Variants in SCUBE2 observed in about 807,000 individuals in gnomAD.
SCUBE2 encodes the protein signal peptide, CUB domain and EGF like domain containing 2.
A neutral mutation model predicts 125.9 loss-of-function variants in SCUBE2; 114 were observed. That is an observed-to-expected ratio of 0.91 (90% CI 0.78 to 1.06). SCUBE2 has a LOEUF of 1.06. Ranked by LOEUF, SCUBE2 falls within the 50% of genes least tolerant of loss-of-function variation. The pLI, the probability that SCUBE2 is intolerant of heterozygous loss-of-function variation, is 0.00. For missense variants in SCUBE2, 1,255 were observed against 1,301.8 expected, an observed-to-expected ratio of 0.96 and a Z score of 0.55; for synonymous variants, 459 against 492.9, an observed-to-expected ratio of 0.93 and a Z score of 0.91.
At chr11:9,021,997 T>A in intron 21 of SCUBE2, 42 bp from the exon 22 acceptor site, 1 of 1,457,516 alleles carries the variant, frequency 6.9e-7, no homozygotes, top group Non-Finnish European at 9.6e-7. Flanking sequence ...TATGATTTAG[T>A]TGCTTCCAAA....
At position 9,054,738 on chromosome 11, in the gene SCUBE2, T is replaced by A. The variant is rs868354642; in HGVS notation, c.1208-979A>T. Among the ~76,000 whole-genome samples the A allele has an allele frequency of 6.7e-3, 738 of 110,166 alleles. 8 individuals carry two copies. The highest frequency in any genetic ancestry group is 0.01 in the Non-Finnish European group (544 of 54,036). The allele number at this position is 110,166 out of a possible 152,430, so 72.3% of individuals were successfully genotyped here. ...ATATATATATATATTTTTTTTTTTTTTTTTTTTTTTTTTTCAGGTGGAGTT... is the reference window on the plus strand; with the variant it reads ...ATATATATATATATTTTTTTTTTTTATTTTTTTTTTTTTTCAGGTGGAGTT... On this transcript the variant is annotated intron_variant, in intron 10 of 22. Coordinates refer to ENST00000649792, the MANE Select transcript of SCUBE2 (RefSeq NM_001367977.2).
At chr11:9,062,331 A>T (rs550620817) in intron 7 of SCUBE2, among the ~76,000 whole-genome samples, 5 of 152,220 alleles carry the variant, frequency 3.3e-5, no homozygotes, top group Admixed American at 3.3e-4. Context: ...TGGTTGAAGG[A>T]CTCCTCTCCG....
chr11:9,050,391 C>A, intron 14 of SCUBE2: 1 of 537,498 alleles, frequency 1.9e-6, no homozygotes, highest in Non-Finnish European at 3.3e-6. Flanking sequence ...CAAAGGAAGC[C>A]CCGAAGTGTG....
intron 14 of SCUBE2, chr11:9,049,925 G>C (rs191427502): frequency 2.0e-5 from 3 of 152,366 alleles, no homozygotes; most frequent in Non-Finnish European, 2.9e-5. Context: ...AAAGTGACTA[G>C]AGTGAGCTTT....
intron 7 of SCUBE2, among the ~76,000 whole-genome samples, chr11:9,060,881 G>A (rs1859612840): frequency 6.6e-6 from 1 of 152,176 alleles, no homozygotes. Flanking sequence ...AGGGCAAAGG[G>A]GATGGTCCTT....
In SCUBE2 at chr11:9,021,863, G is replaced by A. The variant is rs1358319025; in HGVS notation, c.2934+13C>T. 1 of 1,602,404 alleles carries A rather than the reference G, an allele frequency of 6.2e-7. No homozygotes were observed. The highest frequency in any genetic ancestry group is 1.3e-5 in the African/African-American group (1 of 74,834). On this transcript the variant is annotated intron_variant, in intron 22 of 22. Transcript: ENST00000649792. ...GTGGATAACTGCCATGTCCACCTGAGCCAGGCACTCACCTTAAGTATTTCC... is the reference window on the plus strand; with the variant it reads ...GTGGATAACTGCCATGTCCACCTGAACCAGGCACTCACCTTAAGTATTTCC...
At chr11:9,022,251 A>C (rs150836229) in intron 21 of SCUBE2, among the ~76,000 whole-genome samples, 2 of 152,082 alleles carry the variant, frequency 1.3e-5, no homozygotes, top group East Asian at 3.9e-4. Flanking sequence ...TCTCTCCCCA[A>C]ATCAAAAGCA....
chr11:9,075,762 G>A (rs1029084633), intron 3 of SCUBE2, among the ~76,000 whole-genome samples: 8 of 152,250 alleles, frequency 5.3e-5, no homozygotes, highest in East Asian at 1.9e-4. Context: ...CACAGCTAGC[G>A]CTAGTGGCGA....
chr11:9,041,224 G>A (rs888820957), intron 16 of SCUBE2, among the ~76,000 whole-genome samples: 3 of 152,118 alleles, frequency 2.0e-5, no homozygotes, highest in Non-Finnish European at 4.4e-5. Context: ...TTATAAATAA[G>A]TAAACATTCA....
chr11:9,048,183 T>C, intron 14 of SCUBE2, 85 bp from the exon 15 acceptor site: 1 of 1,345,066 alleles, frequency 7.4e-7, no homozygotes. Context: ...AAACATTTCA[T>C]TAAAACAACT....
chr11:9,025,530 G>T, intron 21 of SCUBE2, 172 bp downstream of exon 21: 1 of 620,216 alleles, frequency 1.6e-6, no homozygotes, highest in South Asian at 2.2e-5. Flanking sequence ...CCTATTGTCA[G>T]TGTCCCCAAA....
At chr11:9,060,019 A>G (rs1033939296) in intron 8 of SCUBE2, among the ~76,000 whole-genome samples, 3 of 152,234 alleles carry the variant, frequency 2.0e-5, no homozygotes, top group African/African-American at 7.2e-5. Context: ...ACAGTTATTC[A>G]TTAAGTCCTC....
At chr11:9,053,000 C>T (rs142211502) in intron 12 of SCUBE2, 99 bp downstream of exon 12, 25 of 1,144,652 alleles carry the variant, frequency 2.2e-5, no homozygotes, top group African/African-American at 1.7e-4. Context: ...GGGCATCTGG[C>T]GGAGGACCTG....
chr11:9,028,543 GAC>G (rs576555790), intron 19 of SCUBE2, among the ~76,000 whole-genome samples: 107 of 152,336 alleles, frequency 7.0e-4, no homozygotes, highest in African/African-American at 2.5e-3. Flanking sequence ...AAATGAGAAA[GAC>G]ACAGTCTTTG....
chr11:9,024,655 C>G (rs144581344), intron 21 of SCUBE2, among the ~76,000 whole-genome samples: 1 of 152,312 alleles, frequency 6.6e-6, no homozygotes, highest in South Asian at 2.1e-4. Context: ...TAAGACCATT[C>G]GTCAGTCCAC....
Position 9,060,492 on chromosome 11 carries a change from G to T in SCUBE2, c.883C>A (p.Arg295Ser). The T allele has an allele frequency of 6.2e-7, 1 of 1,613,922 alleles. No homozygotes were observed. The highest frequency in any genetic ancestry group is 8.5e-7 in the Non-Finnish European group (1 of 1,179,916). ...TCAVNNGGCD[R>S]TCKDTSTGVH... is the part of the protein sequence containing the mutation. Reference sequence around the variant, plus strand: ...CCTGTCGAAGTATCCTTACAGGTGCGGTCACAGCCTCCATTGTTGACAGCA... The same window carrying T: ...CCTGTCGAAGTATCCTTACAGGTGCTGTCACAGCCTCCATTGTTGACAGCA... Residue 295 changes from arginine (R) to serine (S), a missense_variant, in exon 8 of 23, where the codon CGC (arginine) becomes AGC (serine). This residue lies in a region of SCUBE2 where 378 missense variants were observed against 463.1 expected (regional missense o/e 0.82). Coordinates refer to ENST00000649792, the MANE Select transcript of SCUBE2 (RefSeq NM_001367977.2).
At chr11:9,031,366 C>G (rs1294081731) in intron 17 of SCUBE2, 1 of 152,920 alleles carries the variant, frequency 6.5e-6, no homozygotes, top group Non-Finnish European at 1.5e-5. Flanking sequence ...GGCTTGATGG[C>G]TCACGCCTGT....
rs902250113 is a variant in SCUBE2, at chr11:9,066,635, G to A, written c.760+62C>T. On this transcript the variant is annotated intron_variant, in intron 6 of 22. Transcript: ENST00000649792. Reference sequence around the variant, plus strand: ...GCATCTGTGCTAAACACCATTAAGGGGTAGGGGTAGGGACAGGCAGGCTGG... The same window carrying A: ...GCATCTGTGCTAAACACCATTAAGGAGTAGGGGTAGGGACAGGCAGGCTGG... The A allele has an allele frequency of 3.8e-6, 5 of 1,306,946 alleles. No homozygotes were observed. In the African/African-American group the frequency reaches 5.8e-5, roughly 15 times the overall value. 81.0% of individuals were successfully genotyped at this position (1,306,946 alleles called of 1,614,324 possible). A position where few individuals can be genotyped will look rare whatever the true frequency, so the allele number is the denominator to read the frequency against.
intron 2 of SCUBE2, among the ~76,000 whole-genome samples, chr11:9,083,595 C>G (rs1412944037): frequency 6.6e-6 from 1 of 150,584 alleles, no homozygotes; most frequent in Non-Finnish European, 1.5e-5. Context: ...CACTCTGTCA[C>G]CCAGGCTGGA....
Sources: gnomAD v4.1 joint callset for allele counts (sites outside exome capture counted in the v4.1 genomes callset) on GRCh38, gnomAD v4.1.1 for gene constraint, gnomAD v4.1.1 regional missense constraint, MANE v1.5 for transcripts, NCBI Gene and HGNC (gene_info 2026-07-23, HGNC 2026-07-21) for gene names.